RPS29: variants seen among roughly 807,000 people sequenced by gnomAD.
The protein encoded by RPS29 is ribosomal protein S29.
For missense variants in RPS29, 60 were observed against 75.7 expected (o/e 0.79, Z 0.77); for synonymous variants, 37 against 26.9 (o/e 1.37, Z -1.16).
intron 2 of RPS29, chr14:49,585,667 A>C (rs1379401930): frequency 6.7e-6 from 3 of 447,908 alleles, no homozygotes; most frequent in Non-Finnish European, 1.2e-5. Flanking sequence ...CTCTAAAGTG[A>C]ATTTCACCAA....
chr14:49,578,655 G>A (rs1394736556), downstream of RPS29, among the ~76,000 whole-genome samples: 1 of 137,168 alleles, frequency 7.3e-6, no homozygotes, highest in Non-Finnish European at 1.5e-5. Flanking sequence ...CGCTTTCCCC[G>A]GTTCAAGCGA....
downstream of RPS29, among the ~76,000 whole-genome samples, chr14:49,582,012 C>CAAAAAAAAAAAAAAAAAAAAAA (rs58507206): frequency 9.4e-6 from 1 of 106,534 alleles, no homozygotes; most frequent in African/African-American, 4.5e-5. Flanking sequence ...CCCTGCCCCC[C>CAAAAAAAAAAAAAAAAAAAAAA]AAAAAAAAAA....
upstream of RPS29, among the ~76,000 whole-genome samples, chr14:49,587,092 T>C (rs1185517389): frequency 6.6e-6 from 1 of 152,212 alleles, no homozygotes. Flanking sequence ...GGTTTGCTTT[T>C]ATTTTGTTAA....
At chr14:49,590,142 T>C (rs1313185812), upstream of RPS29, among the ~76,000 whole-genome samples, 2 of 152,278 alleles carry the variant, frequency 1.3e-5, no homozygotes, top group Admixed American at 6.5e-5. Flanking sequence ...AATTTATCTA[T>C]AGAACCAACC....
intron 1 of RPS29, among the ~76,000 whole-genome samples, chr14:49,596,211 AATGTAGTTTGT>A: frequency 6.6e-6 from 1 of 152,334 alleles, no homozygotes; most frequent in Admixed American, 6.5e-5. Context: ...GAGAGAAAAG[AATGTAGTTTGT>A]AGGCCAGGTA....
At chr14:49,590,713 CG>C (rs1881692782), upstream of RPS29, among the ~76,000 whole-genome samples, 1 of 146,586 alleles carries the variant, frequency 6.8e-6, no homozygotes, top group Non-Finnish European at 1.5e-5. Context: ...CTTTTTGAGA[CG>C]GAGTCTCACT....
downstream of RPS29, among the ~76,000 whole-genome samples, chr14:49,582,677 T>C (rs1296607376): frequency 6.6e-6 from 1 of 152,256 alleles, no homozygotes; most frequent in Non-Finnish European, 1.5e-5. Flanking sequence ...TTGGATTGCG[T>C]AGGGGCTCTT....
At chr14:49,584,873 A>C (rs1429205569) in intron 2 of RPS29, among the ~76,000 whole-genome samples, 1 of 151,950 alleles carries the variant, frequency 6.6e-6, no homozygotes, top group Non-Finnish European at 1.5e-5. Context: ...ATTCGTTTTC[A>C]CCTTAAAAAA....
downstream of RPS29, among the ~76,000 whole-genome samples, chr14:49,582,005 T>A: frequency 1.4e-5 from 1 of 73,076 alleles, no homozygotes; most frequent in Admixed American, 1.8e-4. Flanking sequence ...AGCAAGACCC[T>A]GCCCCCCAAA....
downstream of RPS29, among the ~76,000 whole-genome samples, chr14:49,583,044 T>G (rs1594570618): frequency 6.6e-6 from 1 of 152,144 alleles, no homozygotes; most frequent in Admixed American, 6.6e-5. Flanking sequence ...AAGGTCTCAG[T>G]ATGTTGCCCA....
At chr14:49,579,693 C>A (rs1269132086), downstream of RPS29, among the ~76,000 whole-genome samples, 1 of 152,164 alleles carries the variant, frequency 6.6e-6, no homozygotes, top group Non-Finnish European at 1.5e-5. Flanking sequence ...TATTAATCTA[C>A]AAGGCATCTT....
upstream of RPS29, among the ~76,000 whole-genome samples, chr14:49,588,191 T>G (rs912530261): frequency 6.6e-6 from 1 of 152,234 alleles, no homozygotes; most frequent in African/African-American, 2.4e-5. Flanking sequence ...ATTAATATTT[T>G]TAGTACTCTG....
chr14:49,586,151 G>A (rs1034697310), intron 1 of RPS29, 102 bp from the exon 2 acceptor site: 5 of 1,377,436 alleles, frequency 3.6e-6, no homozygotes, highest in African/African-American at 2.8e-5. Context: ...CCACAGTACA[G>A]GCCTGTAATG....
upstream of RPS29, chr14:49,586,392 C>G: frequency 3.3e-6 from 5 of 1,535,264 alleles, no homozygotes; most frequent in East Asian, 2.3e-5. Context: ...AGCTGGCCCA[C>G]GCATGCGCTC....
intron 1 of RPS29, chr14:49,598,385 A>G (rs887062769): frequency 8.9e-5 from 60 of 676,364 alleles, no homozygotes; most frequent in Middle Eastern, 2.4e-4. Context: ...AGCCAGTCAC[A>G]CTCCATCCAC....
At chr14:49,590,805 C>A (rs1442010368), upstream of RPS29, among the ~76,000 whole-genome samples, 4 of 152,040 alleles carry the variant, frequency 2.6e-5, no homozygotes, top group Admixed American at 2.6e-4. Flanking sequence ...ATTCTCCTGC[C>A]TCAGTCTCCT....
chr14:49,582,857 C>A (rs1444224747), downstream of RPS29, among the ~76,000 whole-genome samples: 2 of 152,204 alleles, frequency 1.3e-5, no homozygotes, highest in African/African-American at 4.8e-5. Flanking sequence ...CACACTATAC[C>A]TACACTTCAC....
At chr14:49,589,429 T>C (rs1266677401), upstream of RPS29, among the ~76,000 whole-genome samples, 2 of 152,268 alleles carry the variant, frequency 1.3e-5, no homozygotes, top group Non-Finnish European at 2.9e-5. Flanking sequence ...GTATAGATCT[T>C]ATTTTTAAGT....
chr14:49,584,391 T>TG (rs1881443704), intron 2 of RPS29, among the ~76,000 whole-genome samples: 1 of 152,264 alleles, frequency 6.6e-6, no homozygotes, highest in Non-Finnish European at 1.5e-5. Context: ...CATATACTGA[T>TG]GAAGTATTTG....
Sources: gnomAD v4.1 joint callset for allele counts (sites outside exome capture counted in the v4.1 genomes callset) on GRCh38, gnomAD v4.1.1 for gene constraint, MANE v1.5 for transcripts, NCBI Gene and HGNC (gene_info 2026-07-23, HGNC 2026-07-21) for gene names.